Variants in ARMCX4 observed in about 807,000 individuals in gnomAD.
The protein encoded by ARMCX4 is armadillo repeat containing X-linked 4, also known as armadillo repeat-containing X-linked protein 4.
In ARMCX4, 3 loss-of-function variants were observed where a neutral mutation model predicts 34.7. The ratio of observed to expected loss-of-function variants is 0.09; its 90% CI spans 0.04 to 0.22. ARMCX4 has a LOEUF of 0.22. ARMCX4 is among the 10% of genes least tolerant of loss of function. ARMCX4 has a pLI of 1.00. For missense variants in ARMCX4, 1,448 were observed against 1,720.8 expected (o/e 0.84, Z 2.81); for synonymous variants, 513 against 632.8 (o/e 0.81, Z 2.84).
chrX:101,478,423 A>G (rs73250689), intron 4 of ARMCX4, among the ~76,000 whole-genome samples: 207 of 112,128 alleles, frequency 1.8e-3, no homozygotes, highest in Non-Finnish European at 3.2e-3. Flanking sequence ...CTCTCCTAAT[A>G]TTCAACAAAA....
In ARMCX4 at chrX:101,494,416, G is replaced by C. The variant is rs1477139798; in HGVS notation, c.5827G>C (p.Gly1943Arg). 1 of 1,153,942 alleles carries C rather than the reference G, an allele frequency of 8.7e-7. No individual in the cohort carries two copies. Among genetic ancestry groups the C allele is most frequent in the East Asian group, 3.3e-5 (1 of 30,705 alleles). ...SIKDKFEAAG[G>R]VDIGSWFCAG... ...CAAGGATAAGTTTGAGGCTGCTGGT[G>C]GAGTTGATATAGGGTCTTGGTTCTG... Residue 1943 changes from glycine to arginine, a missense_variant, in exon 6 of 6, where the codon GGA becomes CGA. Gly to Arg is a moderately radical substitution (Grantham distance 125, BLOSUM62 -2). Transcript: ENST00000423738.
At chrX:101,471,043 G>A (rs1932889156) in intron 4 of ARMCX4, among the ~76,000 whole-genome samples, 1 of 112,108 alleles carries the variant, frequency 8.9e-6, no homozygotes, top group Non-Finnish European at 1.9e-5. Flanking sequence ...ATGTCATTGT[G>A]TTTTCTATTT....
At chrX:101,505,052 T>A (rs1023148719) in exon 8 of ARMCX4, 2 of 111,798 alleles carry the variant, frequency 1.8e-5, no homozygotes, top group Non-Finnish European at 3.8e-5. Flanking sequence ...AAAGTCATGT[T>A]GAGGATGGGT....
chrX:101,487,779 G>A (rs1556007257), intron 4 of ARMCX4, 88 bp downstream of exon 4: 15 of 387,448 alleles, frequency 3.9e-5, no homozygotes, highest in Non-Finnish European at 2.9e-5. Flanking sequence ...GACCAGTCTG[G>A]AGGATGAGGA....
intron 2 of ARMCX4, among the ~76,000 whole-genome samples, chrX:101,441,020 G>A (rs59122732): frequency 0.029 from 3,179 of 110,691 alleles, 119 homozygotes; most frequent in African/African-American, 0.098. Flanking sequence ...AGATGAACCC[G>A]GTACCTCAGT....
downstream of ARMCX4, among the ~76,000 whole-genome samples, chrX:101,535,782 A>G (rs1935208518): frequency 8.9e-6 from 1 of 112,189 alleles, no homozygotes; most frequent in African/African-American, 3.2e-5. Flanking sequence ...TAAGTAATTT[A>G]GATGATCATG....
At chrX:101,469,041 C>G (rs781967246) in intron 4 of ARMCX4, among the ~76,000 whole-genome samples, 12 of 111,732 alleles carry the variant, frequency 1.1e-4, no homozygotes, top group Non-Finnish European at 2.1e-4. Context: ...TAAATACAGC[C>G]CTTCTGCAAA....
intron 11 of ARMCX4, among the ~76,000 whole-genome samples, chrX:101,524,788 G>C (rs1454412316): frequency 8.9e-6 from 1 of 111,854 alleles, no homozygotes; most frequent in Non-Finnish European, 1.9e-5. Context: ...AAACAAAGCA[G>C]CCAGGAAGCT....
In ARMCX4 at chrX:101,432,192, A is replaced by C. The variant is rs377626395; in HGVS notation, n.165-11860A>C. ...CTGTAGGCAGGTTCACTGAATGACA[A>C]CTTAGCCTTGAAGCCCTCTATGACC... On this transcript the variant is annotated intron_variant and non_coding_transcript_variant, in intron 2 of 3. Coordinates refer to the ARMCX4 transcript ENST00000430461. Among the ~76,000 whole-genome samples, 14 of 111,827 alleles carry C rather than the reference A, an allele frequency of 1.3e-4. 3 individuals carry two copies. The highest frequency in any genetic ancestry group is 8.4e-4 in the East Asian group (3 of 3,551).
In ARMCX4 at chrX:101,515,424, TTCCTTCCTTCCTTC is replaced by T. The variant is rs1569346753; in HGVS notation, c.*1780+4370_*1780+4383del. On this transcript the variant is annotated intron_variant and NMD_transcript_variant, in intron 11 of 12. Transcript: ENST00000354842. ...CTCCCTCCCTCCCTCTCTTCCTTCCTTCCTTCCTTCCTTCCTTCCTTCCTTCCTTCCTTCCTTCC... is the reference window on the plus strand; with the variant it reads ...CTCCCTCCCTCCCTCTCTTCCTTCCTCTTCCTTCCTTCCTTCCTTCCTTCC... 2.6e-3 allele frequency among the ~76,000 whole-genome samples: 56 copies of T among 21,313 alleles called. 1 individual carries two copies. Among genetic ancestry groups the T allele is most frequent in the African/African-American group, 8.7e-3 (51 of 5,883 alleles). The allele number at this position is 21,313 out of a possible 115,157, so 18.5% of individuals were successfully genotyped here.
At position 101,489,804 on chromosome X, in the gene ARMCX4, T is replaced by C; in HGVS notation, c.1215T>C (p.Val405=). The C allele has an allele frequency of 8.7e-7, 1 of 1,155,778 alleles. No homozygotes were observed. Among genetic ancestry groups the C allele is most frequent in the Non-Finnish European group, 1.1e-6 (1 of 872,764 alleles). Residue 405 remains valine (V), a synonymous_variant, in exon 6 of 6, where the codon GTT becomes GTC. Transcript: ENST00000423738. ...GAGCTGCTGCTCAGCCTCAAGCTGTTGCCAGTACTCACGCTGAGGCCATGT... is the reference window on the plus strand; with the variant it reads ...GAGCTGCTGCTCAGCCTCAAGCTGTCGCCAGTACTCACGCTGAGGCCATGT... ...DMRAAAQPQA[V]ASTHAEAMSD...
chrX:101,431,629 T>C (rs1045744503), intron 2 of ARMCX4, among the ~76,000 whole-genome samples: 15 of 111,436 alleles, frequency 1.3e-4, no homozygotes, highest in Middle Eastern at 4.6e-3. Flanking sequence ...CTGCAAGCTC[T>C]GCCTTCCGGG....
Position 101,419,362 on chromosome X carries a change from A to G in ARMCX4, n.164+362A>G, listed in dbSNP as rs974552912. ...CTTTTAGAGATAACGAAAATGTCCC[A>G]ACTTAGATTGTGGTGATAGTTCGCA... is the stretch of plus-strand genomic sequence containing the variant. On this transcript the variant is annotated intron_variant and non_coding_transcript_variant, in intron 2 of 3. Transcript: ENST00000430461. Among the ~76,000 whole-genome samples, 8 of 111,874 alleles carry G rather than the reference A, an allele frequency of 7.2e-5. No individual in the cohort carries two copies. In the East Asian group the frequency reaches 2.2e-3, roughly 31 times the overall value.
intron 11 of ARMCX4, among the ~76,000 whole-genome samples, chrX:101,525,600 A>G (rs1556020235): frequency 1.8e-5 from 2 of 111,634 alleles, no homozygotes. Flanking sequence ...GGCTAACTAG[A>G]ATAAACTGTG....
chrX:101,490,834 C>T lies in ARMCX4; in HGVS notation c.2245C>T (p.Arg749Trp), dbSNP rs957669568. Reference sequence around the variant, plus strand: ...TGGGCCATATACAACAGACTCTGCCCGGCTCCAGGCTGTGGCCAATTCTCA... The same window carrying T: ...TGGGCCATATACAACAGACTCTGCCTGGCTCCAGGCTGTGGCCAATTCTCA... ...GVGPYTTDSA[R>W]LQAVANSQGE... The change falls in exon 6 of 6, where the codon CGG becomes TGG. Residue 749 changes from arginine (R) to tryptophan (W), a missense_variant. By Grantham distance (101) the Arg-to-Trp change is moderately radical. This residue lies in a region of ARMCX4 where 1,343 missense variants were observed against 1,540.7 expected (regional missense o/e 0.87). Coordinates refer to ENST00000423738, the MANE Select transcript of ARMCX4 (RefSeq NM_001256155.3). The T allele has an allele frequency of 1.4e-5, 16 of 1,106,831 alleles. No individual in the cohort carries two copies. The African/African-American group carries it at 1.5e-4, about 10-fold the overall frequency. 91.2% of individuals were successfully genotyped at this position (1,106,831 alleles called of 1,213,427 possible). A position where few individuals can be genotyped will look rare whatever the true frequency, so the allele number is the denominator to read the frequency against.
At chrX:101,455,525 C>G (rs1556000045) in intron 4 of ARMCX4, among the ~76,000 whole-genome samples, 1 of 111,470 alleles carries the variant, frequency 9.0e-6, no homozygotes, top group African/African-American at 3.3e-5. Flanking sequence ...CCACTAAACT[C>G]TTTTAAAGAT....
intron 2 of ARMCX4, among the ~76,000 whole-genome samples, chrX:101,433,088 A>ACACG (rs1930336705): frequency 2.7e-5 from 3 of 109,745 alleles, no homozygotes; most frequent in Admixed American, 1.9e-4. Context: ...ATGTATACAT[A>ACACG]TATGTGTATA....
At position 101,490,957 on chromosome X, in the gene ARMCX4, C is replaced by A. The variant is rs782046016; in HGVS notation, c.2368C>A (p.Pro790Thr). ...AGMGATGSVQ[P>T]QAVANSHCET... is the part of the protein sequence containing the mutation. The stretch of plus-strand genomic sequence containing the variant: ...GATGGGTGCAACAGGCTCTGTCCAG[C>A]CCCAGGCTGTGGCTAATTCCCATTG... The change falls in exon 6 of 6, where the codon CCC becomes ACC. Residue 790 changes from proline (P) to threonine (T), a missense_variant. Physicochemically the swap from Pro to Thr is conservative, Grantham distance 38. Coordinates refer to ENST00000423738, the MANE Select transcript of ARMCX4 (RefSeq NM_001256155.3). The A allele has an allele frequency of 8.7e-7, 1 of 1,154,011 alleles. No individual in the cohort carries two copies. Among genetic ancestry groups the A allele is most frequent in the South Asian group, 1.9e-5 (1 of 52,522 alleles).
At chrX:101,499,718 G>C (rs1331999964), downstream of ARMCX4, among the ~76,000 whole-genome samples, 1 of 112,179 alleles carries the variant, frequency 8.9e-6, no homozygotes, top group Non-Finnish European at 1.9e-5. Context: ...GAGAGCTATG[G>C]AGATGGTTAA....
Sources: allele counts gnomAD v4.1 joint callset (sites outside exome capture counted in the v4.1 genomes callset), GRCh38; gene constraint gnomAD v4.1.1; regional missense constraint gnomAD v4.1.1; transcripts MANE v1.5; gene names NCBI Gene and HGNC (gene_info 2026-07-23, HGNC 2026-07-21).